DOK6: variants seen among roughly 807,000 people sequenced by gnomAD.
DOK6 encodes the protein downstream of tyrosine kinase 6.
DOK6 carries 22 observed loss-of-function variants against 44.0 expected under a neutral mutation model. That is an observed-to-expected ratio of 0.50 (90% CI 0.36 to 0.71). The LOEUF (loss-of-function observed/expected upper bound fraction) is 0.71, where lower values mean the gene tolerates loss of function less well. DOK6 is among the 30% of genes least tolerant of loss of function. The pLI is 0.00. For synonymous variants in DOK6, 166 were observed against 145.5 expected (o/e 1.14, Z -1.01); for missense variants, 340 against 416.4 (o/e 0.82, Z 1.60).
chr18:69,475,573 A>G (rs1980236817), intron 1 of DOK6, among the ~76,000 whole-genome samples: 1 of 152,186 alleles, frequency 6.6e-6, no homozygotes, highest in Non-Finnish European at 1.5e-5. Flanking sequence ...CCTCATTTAG[A>G]TGGCCCCGCC....
intron 5 of DOK6, among the ~76,000 whole-genome samples, chr18:69,726,122 A>G (rs1978305759): frequency 6.6e-6 from 1 of 152,240 alleles, no homozygotes; most frequent in Non-Finnish European, 1.5e-5. Flanking sequence ...TGTCAAGAAT[A>G]TTCCATGAGG....
rs116674277 is a variant in DOK6, at chr18:69,568,491, C to T, written c.174+3897C>T. ...AGATCTGGAATCAAGGGAATGACAG[C>T]TTCTCCCTTTCTCTGGGTGCAGCTT... is the stretch of plus-strand genomic sequence containing the variant. On this transcript the variant is annotated intron_variant, in intron 2 of 7. Coordinates refer to ENST00000382713, the MANE Select transcript of DOK6 (RefSeq NM_152721.6). 3.9e-3 allele frequency among the ~76,000 whole-genome samples: 599 copies of T among 152,308 alleles called. 4 individuals carry two copies. Among genetic ancestry groups the T allele is most frequent in the African/African-American group, 0.014 (576 of 41,558 alleles).
chr18:69,828,955 A>G (rs1168253369), intron 7 of DOK6, among the ~76,000 whole-genome samples: 1 of 145,810 alleles, frequency 6.9e-6, no homozygotes, highest in Non-Finnish European at 1.5e-5. Flanking sequence ...AAAAGCCTTT[A>G]TAAATTAACA....
At chr18:69,437,717 G>A (rs1462914223) in intron 1 of DOK6, among the ~76,000 whole-genome samples, 1 of 152,156 alleles carries the variant, frequency 6.6e-6, no homozygotes, top group Non-Finnish European at 1.5e-5. Context: ...AAACTCAATG[G>A]TAGCTTGATG....
At chr18:69,695,890 A>C (rs1258649240) in intron 4 of DOK6, among the ~76,000 whole-genome samples, 2 of 152,176 alleles carry the variant, frequency 1.3e-5, no homozygotes, top group Non-Finnish European at 2.9e-5. Flanking sequence ...GGTTGACTTG[A>C]GTTGCTGGGT....
intron 1 of DOK6, among the ~76,000 whole-genome samples, chr18:69,402,672 T>G (rs1473569074): frequency 2.0e-5 from 3 of 152,172 alleles, no homozygotes; most frequent in African/African-American, 7.2e-5. Flanking sequence ...TCAGCAGCTC[T>G]GTAGTAGGCT....
chr18:69,757,180 G>A (rs1268691541), intron 6 of DOK6, among the ~76,000 whole-genome samples: 2 of 152,062 alleles, frequency 1.3e-5, no homozygotes, highest in African/African-American at 2.4e-5. Flanking sequence ...TTTTTAATAT[G>A]TACAAGATTC....
At chr18:69,451,271 G>A (rs1006949862) in intron 1 of DOK6, among the ~76,000 whole-genome samples, 1 of 134,230 alleles carries the variant, frequency 7.4e-6, no homozygotes, top group African/African-American at 2.8e-5. Context: ...CCTAGTCTCT[G>A]ATAAAACAGA....
intron 3 of DOK6, among the ~76,000 whole-genome samples, chr18:69,664,631 A>C (rs1818088085): frequency 6.6e-6 from 1 of 152,190 alleles, no homozygotes; most frequent in Admixed American, 6.5e-5. Flanking sequence ...ACTAACTGCA[A>C]GCAATATCAC....
At chr18:69,457,161 T>C (rs1158810456) in intron 1 of DOK6, among the ~76,000 whole-genome samples, 2 of 152,182 alleles carry the variant, frequency 1.3e-5, no homozygotes, top group Admixed American at 6.5e-5. Flanking sequence ...AATTAGGTCC[T>C]ACTTGTCAAT....
chr18:69,460,081 C>T (rs1381805477), intron 1 of DOK6, among the ~76,000 whole-genome samples: 1 of 152,122 alleles, frequency 6.6e-6, no homozygotes, highest in East Asian at 1.9e-4. Flanking sequence ...GCCCTTTTGC[C>T]ATTTCATTGT....
intron 1 of DOK6, among the ~76,000 whole-genome samples, chr18:69,467,032 A>G (rs1286375010): frequency 6.6e-6 from 1 of 152,178 alleles, no homozygotes; most frequent in East Asian, 1.9e-4. Context: ...AATAAGTAGC[A>G]ACGTCAAAGA....
At chr18:69,403,226 G>A (rs1017692387) in intron 1 of DOK6, among the ~76,000 whole-genome samples, 9 of 152,204 alleles carry the variant, frequency 5.9e-5, no homozygotes, top group Non-Finnish European at 1.3e-4. Context: ...CCCTTCCTGC[G>A]CACTTGGCCC....
intron 1 of DOK6, among the ~76,000 whole-genome samples, chr18:69,473,117 A>G (rs73468805): frequency 0.011 from 1,668 of 152,314 alleles, 35 homozygotes; most frequent in African/African-American, 0.039. Flanking sequence ...TTTATTTTGC[A>G]TAACTGATAT....
At chr18:69,726,877 C>G (rs1468253158) in intron 5 of DOK6, among the ~76,000 whole-genome samples, 2 of 150,766 alleles carry the variant, frequency 1.3e-5, no homozygotes, top group African/African-American at 4.9e-5. Flanking sequence ...AAAATTGAGA[C>G]AGAGCCTCAC....
intron 4 of DOK6, among the ~76,000 whole-genome samples, chr18:69,685,573 C>A (rs1267707142): frequency 6.6e-6 from 1 of 152,192 alleles, no homozygotes; most frequent in East Asian, 1.9e-4. Flanking sequence ...CAAGGGAATT[C>A]TGGGCTCACC....
At chr18:69,834,983 C>T (rs1020217459) in intron 7 of DOK6, among the ~76,000 whole-genome samples, 2 of 152,184 alleles carry the variant, frequency 1.3e-5, no homozygotes, top group Admixed American at 1.3e-4. Context: ...ATGATCAAAA[C>T]AGGACCTTGC....
intron 5 of DOK6, among the ~76,000 whole-genome samples, chr18:69,725,662 A>G (rs1978303103): frequency 6.6e-6 from 1 of 151,904 alleles, no homozygotes; most frequent in Non-Finnish European, 1.5e-5. Flanking sequence ...CAATTTTTGT[A>G]TTTTTAGTAG....
chr18:69,533,629 A>G (rs1328817485), intron 1 of DOK6, among the ~76,000 whole-genome samples: 1 of 147,088 alleles, frequency 6.8e-6, no homozygotes, highest in African/African-American at 2.7e-5. Flanking sequence ...TCAGTATCCA[A>G]TAGAAAACTT....
Sources: allele counts gnomAD v4.1 joint callset (sites outside exome capture counted in the v4.1 genomes callset), GRCh38; gene constraint gnomAD v4.1.1; transcripts MANE v1.5; gene names NCBI Gene and HGNC (gene_info 2026-07-23, HGNC 2026-07-21).